TTLL7: variants seen among roughly 807,000 people sequenced by gnomAD.
TTLL7 encodes the protein tubulin polyglutamylase TTLL7.
TTLL7 carries 53 observed loss-of-function variants against 120.2 expected under a neutral mutation model. That is an observed-to-expected ratio of 0.44 (90% CI 0.35 to 0.55). The LOEUF (loss-of-function observed/expected upper bound fraction) is 0.55, where lower values mean the gene tolerates loss of function less well. TTLL7 is among the 20% of genes least tolerant of loss of function. The probability of loss-of-function intolerance (pLI) is 0.00; values close to 1 mark genes in which losing one functional copy is unlikely to be tolerated. For synonymous variants in TTLL7, 353 were observed against 351.7 expected (o/e 1.00, Z -0.04); for missense variants, 803 against 1,054.7 (o/e 0.76, Z 3.31).
chr1:83,892,609 T>TATGAACATATAAATGAACATATGA (rs1655732923), intron 18 of TTLL7, among the ~76,000 whole-genome samples: 3 of 120,826 alleles, frequency 2.5e-5, no homozygotes, highest in East Asian at 2.3e-4. Flanking sequence ...TGAACATATA[T>TATGAACATATAAATGAACATATGA]ATGAACATAT....
chr1:83,898,160 A>T (rs1415234025), intron 18 of TTLL7, among the ~76,000 whole-genome samples: 2 of 152,038 alleles, frequency 1.3e-5, no homozygotes, highest in African/African-American at 4.8e-5. Flanking sequence ...TCTAACTGAT[A>T]GCCAAATAAA....
intron 1 of TTLL7, among the ~76,000 whole-genome samples, chr1:83,994,015 G>A (rs1306104787): frequency 6.6e-6 from 1 of 152,164 alleles, no homozygotes; most frequent in Non-Finnish European, 1.5e-5. Flanking sequence ...GAGAAATGGA[G>A]ATAGATTTAC....
chr1:83,937,676 G>A (rs1303891374), intron 8 of TTLL7, among the ~76,000 whole-genome samples, 176 bp downstream of exon 8: 2 of 152,164 alleles, frequency 1.3e-5, no homozygotes, highest in Non-Finnish European at 2.9e-5. Flanking sequence ...TTCTCAGAAT[G>A]CATCGCTGTT....
intron 1 of TTLL7, among the ~76,000 whole-genome samples, chr1:83,992,135 G>T (rs148797483): frequency 6.6e-6 from 1 of 152,086 alleles, no homozygotes; most frequent in African/African-American, 2.4e-5. Flanking sequence ...GTTTCTTTCT[G>T]CCAAAAATGC....
intron 17 of TTLL7, among the ~76,000 whole-genome samples, chr1:83,905,885 C>T (rs565008884): frequency 8.6e-5 from 13 of 151,974 alleles, no homozygotes; most frequent in Admixed American, 6.6e-4. Context: ...AAATCTGACC[C>T]CAAAAATGTG....
intron 20 of TTLL7, among the ~76,000 whole-genome samples, chr1:83,881,086 T>C (rs1322502511): frequency 6.7e-6 from 1 of 149,834 alleles, no homozygotes; most frequent in African/African-American, 2.4e-5. Context: ...ATACAAAAAT[T>C]AATTCAAGAT....
chr1:83,960,438 A>C (rs1354547212), intron 1 of TTLL7, among the ~76,000 whole-genome samples: 1 of 152,156 alleles, frequency 6.6e-6, no homozygotes, highest in Non-Finnish European at 1.5e-5. Context: ...GTATTAGCAG[A>C]ATAGCAGCAG....
rs982651864 is a variant in TTLL7 at position 83,937,699 on chromosome 1, G to A, written c.888+153C>T. 2.6e-5 allele frequency among the ~76,000 whole-genome samples: 4 copies of A among 152,176 alleles called. No homozygotes were observed. The East Asian group carries it at 5.8e-4, about 22-fold the overall frequency. On this transcript the variant is annotated intron_variant, in intron 8 of 20. Transcript: ENST00000260505. ...ATGCATCGCTGTTGTTAGGCAGCGT[G>A]TGGCTGTGTAATGATCTGATTTTTT...
At chr1:83,886,901 A>G (rs1655018796) in intron 19 of TTLL7, among the ~76,000 whole-genome samples, 1 of 152,008 alleles carries the variant, frequency 6.6e-6, no homozygotes, top group Non-Finnish European at 1.5e-5. Flanking sequence ...TCCCAGTAAA[A>G]CATGGTAGAT....
intron 1 of TTLL7, among the ~76,000 whole-genome samples, chr1:83,982,588 T>C (rs879779015): frequency 2.6e-5 from 4 of 152,088 alleles, no homozygotes; most frequent in Non-Finnish European, 4.4e-5. Context: ...TACAAATATA[T>C]CTAGCAAAAG....
chr1:83,939,008 C>T (rs1014465860), intron 7 of TTLL7, among the ~76,000 whole-genome samples: 2 of 152,106 alleles, frequency 1.3e-5, no homozygotes, highest in Non-Finnish European at 2.9e-5. Context: ...ATTTGAGGTA[C>T]ATGTTGTTTA....
At chr1:83,958,641 T>C (rs756845078) in intron 1 of TTLL7, among the ~76,000 whole-genome samples, 2 of 152,260 alleles carry the variant, frequency 1.3e-5, no homozygotes, top group Non-Finnish European at 2.9e-5. Context: ...CAAACCAAAT[T>C]TGATATATGC....
chr1:83,997,934 A>G (rs1653633049), intron 1 of TTLL7, among the ~76,000 whole-genome samples: 1 of 152,226 alleles, frequency 6.6e-6, no homozygotes, highest in African/African-American at 2.4e-5. Flanking sequence ...TTTCTAAGAA[A>G]ATAGATTATT....
rs1207889415 is a variant in TTLL7 at position 83,866,113 on chromosome 1, C to CA, written c.*3848dup. 1.3e-5 allele frequency: 2 copies of CA among 151,782 alleles called. No homozygotes were observed. Among genetic ancestry groups the CA allele is most frequent in the African/African-American group, 4.8e-5 (2 of 41,396 alleles). The allele number at this position is 151,782 out of a possible 1,614,324, so 9.4% of individuals were successfully genotyped here. A position where few individuals can be genotyped will look rare whatever the true frequency, so the allele number is the denominator to read the frequency against. ...CCCTATGACCATGTAAACTAAGACTCAAAGTTTAAATTAGCATTACAGAAC... is the reference window on the plus strand; with the variant it reads ...CCCTATGACCATGTAAACTAAGACTCAAAAGTTTAAATTAGCATTACAGAAC... On this transcript the variant is annotated 3_prime_UTR_variant, in exon 21 of 21. Coordinates refer to ENST00000260505, the MANE Select transcript of TTLL7 (RefSeq NM_024686.6).
intron 1 of TTLL7, among the ~76,000 whole-genome samples, chr1:83,963,277 G>A (rs1280292703): frequency 6.6e-6 from 1 of 152,020 alleles, no homozygotes; most frequent in East Asian, 1.9e-4. Context: ...TGAGAATCAG[G>A]CTCAGTACTC....
At chr1:83,955,279 A>G (rs896332809) in intron 1 of TTLL7, among the ~76,000 whole-genome samples, 1 of 152,146 alleles carries the variant, frequency 6.6e-6, no homozygotes, top group Non-Finnish European at 1.5e-5. Flanking sequence ...CCCAGGTCCT[A>G]GAATAGTGCC....
At chr1:83,990,550 A>G (rs1652906219) in intron 1 of TTLL7, among the ~76,000 whole-genome samples, 1 of 152,228 alleles carries the variant, frequency 6.6e-6, no homozygotes, top group East Asian at 1.9e-4. Context: ...AAAATGGGCT[A>G]ATGCCTTGAA....
intron 6 of TTLL7, among the ~76,000 whole-genome samples, chr1:83,943,534 T>C (rs1648184045): frequency 1.3e-5 from 2 of 152,238 alleles, no homozygotes; most frequent in African/African-American, 2.4e-5. Flanking sequence ...TTGTTTGTTT[T>C]GTTCTGTTTA....
At chr1:83,894,738 C>T (rs539641341) in intron 18 of TTLL7, among the ~76,000 whole-genome samples, 1 of 152,180 alleles carries the variant, frequency 6.6e-6, no homozygotes, top group Non-Finnish European at 1.5e-5. Context: ...GGCACCTCTA[C>T]CTAAGAAGCA....
Sources: gnomAD v4.1 joint callset for allele counts (sites outside exome capture counted in the v4.1 genomes callset) on GRCh38, gnomAD v4.1.1 for gene constraint, MANE v1.5 for transcripts, NCBI Gene and HGNC (gene_info 2026-07-23, HGNC 2026-07-21) for gene names.